CALR3: variants seen among roughly 807,000 people sequenced by gnomAD.
The protein encoded by CALR3 is calreticulin 3, also known as calreticulin-3.
CALR3 carries 39 observed loss-of-function variants against 48.7 expected under a neutral mutation model. The observed-to-expected ratio is 0.80, with a 90% CI of 0.62 to 1.05. CALR3 has a LOEUF of 1.05. CALR3 is among the 50% of genes least tolerant of loss of function. The probability of loss-of-function intolerance (pLI) is 0.00; values close to 1 mark genes in which losing one functional copy is unlikely to be tolerated. For missense variants in CALR3, 449 were observed against 474.7 expected (o/e 0.95, Z 0.50); for synonymous variants, 185 against 172.7 (o/e 1.07, Z -0.56).
rs562255516 is a variant in CALR3, at chr19:16,489,456, T to C, written c.397+911A>G. Among the ~76,000 whole-genome samples, 380 of 152,152 alleles carry C rather than the reference T, an allele frequency of 2.5e-3. 5 individuals are homozygous for C. The highest frequency in any genetic ancestry group is 8.5e-3 in the East Asian group (44 of 5,184). On this transcript the variant is annotated intron_variant, in intron 3 of 8. Transcript: ENST00000269881. ...CAACATGGAGAAACCCCGTCTCTACTAAAAATACAAAAATTAGCTGGGCAT... is the reference window on the plus strand; with the variant it reads ...CAACATGGAGAAACCCCGTCTCTACCAAAAATACAAAAATTAGCTGGGCAT...
chr19:16,496,144 C>A lies in CALR3; in HGVS notation c.-15G>T. 1.9e-6 allele frequency: 3 copies of A among 1,575,132 alleles called. No individual in the cohort carries two copies. Among genetic ancestry groups the A allele is most frequent in the South Asian group, 1.2e-5 (1 of 86,664 alleles). ...GCCCGGGCCATGGGGGTGTGCACTG[C>A]GCTTCCGGTCGCCGCCACCCCTTAG... On this transcript the variant is annotated 5_prime_UTR_variant, in exon 1 of 9. Coordinates refer to ENST00000269881, the MANE Select transcript of CALR3 (RefSeq NM_145046.5).
chr19:16,495,698 G>T (rs1011336230), intron 2 of CALR3, 53 bp downstream of exon 2: 6 of 1,377,296 alleles, frequency 4.4e-6, no homozygotes, highest in Non-Finnish European at 6.2e-6. Flanking sequence ...ACCTAGAGAG[G>T]TTGCTATGGA....
At position 16,479,145 on chromosome 19, in the gene CALR3, T is replaced by G. The variant is rs1429055211; in HGVS notation, c.1141A>C (p.Arg381=). Residue 381 remains arginine (R), a synonymous_variant, in exon 9 of 9, where the codon AGG becomes CGG. Transcript: ENST00000269881. Reference sequence around the variant, plus strand: ...AATGGGGATCACTAAAGTTCATTCCTTCTGTGAAATTGATTGAAGTAATGT... The same window carrying G: ...AATGGGGATCACTAAAGTTCATTCCGTCTGTGAAATTGATTGAAGTAATGT... ...HEHYFNQFHR[R]NEL is the part of the protein sequence containing the mutation. 4 of 1,614,046 alleles carry G rather than the reference T, an allele frequency of 2.5e-6. No homozygotes were observed. The South Asian group carries it at 3.3e-5, about 13-fold the overall frequency.
At chr19:16,494,282 A>G (rs889265272) in intron 2 of CALR3, among the ~76,000 whole-genome samples, 1 of 152,078 alleles carries the variant, frequency 6.6e-6, no homozygotes, top group East Asian at 1.9e-4. Flanking sequence ...GGCTGGTCTC[A>G]AACTCCTGAC....
At chr19:16,490,670 T>C in intron 2 of CALR3, 100 bp from the exon 3 acceptor site, 1 of 1,051,578 alleles carries the variant, frequency 9.5e-7, no homozygotes, top group Non-Finnish European at 1.5e-6. Flanking sequence ...AACATAAATG[T>C]CCTAACCATT....
chr19:16,479,441 A>AAT (rs999118093), intron 8 of CALR3, among the ~76,000 whole-genome samples, 167 bp from the exon 9 acceptor site: 1 of 150,860 alleles, frequency 6.6e-6, no homozygotes, highest in Non-Finnish European at 1.5e-5. Flanking sequence ...AAAAAAAAAA[A>AAT]GCCAGGCGTG....
chr19:16,489,036 A>T (rs1004083367), intron 3 of CALR3, among the ~76,000 whole-genome samples: 9 of 152,258 alleles, frequency 5.9e-5, no homozygotes, highest in African/African-American at 1.2e-4. Flanking sequence ...TCTAAATTTC[A>T]TATAATTTTC....
At chr19:16,495,095 G>A (rs559770539) in intron 2 of CALR3, among the ~76,000 whole-genome samples, 20 of 152,090 alleles carry the variant, frequency 1.3e-4, no homozygotes, top group Non-Finnish European at 2.6e-4. Context: ...GCATGGTGGC[G>A]CACGCTTGTA....
Position 16,496,085 on chromosome 19 carries a change from T to C in CALR3, c.45A>G (p.Arg15=). The change falls in exon 1 of 9, where the codon CGA becomes CGG. Residue 15 remains arginine, a synonymous_variant. Coordinates refer to ENST00000269881, the MANE Select transcript of CALR3 (RefSeq NM_145046.5). ...GGAAATAGACGGTAGCCAGCGCCAC[T>C]CGCAGCATGCATATGGCCCAGAGCT... ...LVQLWAICML[R]VALATVYFQE... 1.2e-6 allele frequency: 2 copies of C among 1,607,736 alleles called. No homozygotes were observed. Among genetic ancestry groups the C allele is most frequent in the South Asian group, 1.1e-5 (1 of 89,896 alleles).
Position 16,482,378 on chromosome 19 carries a change from CAACAA to C in CALR3, c.918+67_918+71del, listed in dbSNP as rs71178697. 1,369,162 of 1,595,604 alleles carry C rather than the reference CAACAA, an allele frequency of 0.86. 588,541 individuals are homozygous for C. The highest frequency in any genetic ancestry group is 0.87 in the South Asian group (78,684 of 89,930). The stretch of plus-strand genomic sequence containing the variant: ...TAGGTGACAGAATGAGACCCTGTCT[CAACAA>C]AACAAAACAAAACAAAACAAAACAC... On this transcript the variant is annotated intron_variant, in intron 7 of 8. Transcript: ENST00000269881.
chr19:16,483,807 G>T, intron 5 of CALR3, 123 bp downstream of exon 5: 2 of 892,348 alleles, frequency 2.2e-6, no homozygotes, highest in Non-Finnish European at 3.6e-6. Context: ...TGTGCTCTGG[G>T]GAGGGCATTT....
Position 16,487,559 on chromosome 19 carries a change from A to G in CALR3, c.398-2302T>C, listed in dbSNP as rs146532092. ...AGCTGGTCTCAAACTCCGGGGCTCA[A>G]GTGATCCTCCCTTGATGTTTCAGAT... On this transcript the variant is annotated intron_variant, in intron 3 of 8. Coordinates refer to ENST00000269881, the MANE Select transcript of CALR3 (RefSeq NM_145046.5). 4.2e-3 allele frequency among the ~76,000 whole-genome samples: 635 copies of G among 150,926 alleles called. 4 individuals are homozygous for G. Among genetic ancestry groups the G allele is most frequent in the African/African-American group, 0.014 (586 of 41,228 alleles).
chr19:16,480,730 A>G (rs2093379480), intron 7 of CALR3, 24 bp from the exon 8 acceptor site: 1 of 1,421,268 alleles, frequency 7.0e-7, no homozygotes, highest in Non-Finnish European at 9.9e-7. Context: ...TAAGGCCTTC[A>G]TTATTATGCT....
At chr19:16,492,939 G>A (rs1367591650) in intron 2 of CALR3, among the ~76,000 whole-genome samples, 1 of 152,054 alleles carries the variant, frequency 6.6e-6, no homozygotes, top group Non-Finnish European at 1.5e-5. Flanking sequence ...CTGGAAGCAG[G>A]AGAATCATTT....
intron 2 of CALR3, among the ~76,000 whole-genome samples, chr19:16,494,957 A>G (rs1054292699): frequency 6.6e-6 from 1 of 152,132 alleles, no homozygotes; most frequent in Non-Finnish European, 1.5e-5. Flanking sequence ...ATAATAGGCC[A>G]AGCACCATGG....
intron 2 of CALR3, among the ~76,000 whole-genome samples, chr19:16,492,534 CA>C (rs1339480811): frequency 2.6e-5 from 4 of 151,126 alleles, no homozygotes; most frequent in African/African-American, 9.7e-5. Flanking sequence ...AGTTGGAGAC[CA>C]GCCTGACCAA....
intron 2 of CALR3, among the ~76,000 whole-genome samples, chr19:16,495,143 T>C (rs185806882): frequency 1.3e-5 from 2 of 150,948 alleles, no homozygotes; most frequent in African/African-American, 4.9e-5. Flanking sequence ...AGAGAATCAC[T>C]TGAACCCGGG....
intron 2 of CALR3, among the ~76,000 whole-genome samples, chr19:16,492,151 C>A (rs2093399040): frequency 6.6e-6 from 1 of 151,876 alleles, no homozygotes; most frequent in Admixed American, 6.6e-5. Flanking sequence ...TATGTGAAAG[C>A]AAATACAATT....
intron 7 of CALR3, among the ~76,000 whole-genome samples, chr19:16,481,477 T>A (rs1480518277): frequency 6.8e-6 from 1 of 147,688 alleles, no homozygotes; most frequent in Non-Finnish European, 1.5e-5. Context: ...CTCTGTTTTT[T>A]TTTTTTTTTT....
Sources: gnomAD v4.1 joint callset for allele counts (sites outside exome capture counted in the v4.1 genomes callset) on GRCh38, gnomAD v4.1.1 for gene constraint, MANE v1.5 for transcripts, NCBI Gene and HGNC (gene_info 2026-07-23, HGNC 2026-07-21) for gene names.